Variants in DAPK1 observed in about 807,000 individuals in gnomAD.
The protein encoded by DAPK1 is death-associated protein kinase 1.
In DAPK1, 56 loss-of-function variants were observed where a neutral mutation model predicts 144.9. The observed-to-expected ratio is 0.39, with a 90% confidence interval of 0.31 to 0.48. The LOEUF (loss-of-function observed/expected upper bound fraction) is 0.48. Among genes scored for constraint, DAPK1 ranks in the 20% least tolerant of loss-of-function variants. The pLI is 0.95. For missense variants in DAPK1, 1,454 were observed against 1,875.4 expected, an observed-to-expected ratio of 0.78 and a Z score of 4.15; for synonymous variants, 690 against 749.0, an observed-to-expected ratio of 0.92 and a Z score of 1.29.
chr9:87,525,295 G>A (rs1005386656), intron 2 of DAPK1: 1 of 1,604,954 alleles, frequency 6.2e-7, no homozygotes, highest in Non-Finnish European at 8.5e-7. Flanking sequence ...GCACTCCTGA[G>A]AGCAAGATGG....
chr9:87,611,428 G>A (rs1004500369), intron 3 of DAPK1, among the ~76,000 whole-genome samples: 1 of 152,140 alleles, frequency 6.6e-6, no homozygotes, highest in African/African-American at 2.4e-5. Flanking sequence ...TGGGACTGGG[G>A]TGTAAGCCAC....
intron 2 of DAPK1, among the ~76,000 whole-genome samples, chr9:87,564,706 C>T (rs888552296): frequency 6.6e-6 from 1 of 152,092 alleles, no homozygotes; most frequent in African/African-American, 2.4e-5. Context: ...AACTCATCTT[C>T]TTAATCTGGA....
chr9:87,574,776 G>T (rs1057229327), intron 2 of DAPK1, among the ~76,000 whole-genome samples: 2 of 152,090 alleles, frequency 1.3e-5, no homozygotes, highest in African/African-American at 4.8e-5. Context: ...CAAAAAATTA[G>T]CCGGGCTTGG....
chr9:87,646,419 A>G, intron 12 of DAPK1, 42 bp from the exon 13 acceptor site: 3 of 1,469,552 alleles, frequency 2.0e-6, no homozygotes, highest in Non-Finnish European at 2.9e-6. Context: ...TTCCTTTCCT[A>G]CCAAACCTGA....
intron 3 of DAPK1, among the ~76,000 whole-genome samples, chr9:87,610,929 C>A (rs75009044): frequency 6.6e-6 from 1 of 152,162 alleles, no homozygotes; most frequent in South Asian, 2.1e-4. Context: ...TGTACACAAT[C>A]CAAATTCTAG....
chr9:87,630,797 C>T (rs1319797034), intron 3 of DAPK1, among the ~76,000 whole-genome samples: 3 of 152,232 alleles, frequency 2.0e-5, no homozygotes, highest in Non-Finnish European at 2.9e-5. Flanking sequence ...AGCTTATCTG[C>T]GTGTCATCTC....
intron 12 of DAPK1, 102 bp from the exon 13 acceptor site, chr9:87,646,359 C>T (rs1830265110): frequency 1.2e-6 from 1 of 858,570 alleles, no homozygotes; most frequent in East Asian, 2.5e-5. Context: ...AGCTCTATGT[C>T]TGTTGAGACA....
intron 3 of DAPK1, among the ~76,000 whole-genome samples, chr9:87,625,627 ATCTGCTGC>A (rs1471990935): frequency 6.6e-6 from 1 of 152,224 alleles, no homozygotes; most frequent in Non-Finnish European, 1.5e-5. Flanking sequence ...GTGAGATGCC[ATCTGCTGC>A]TCTGGGCCCA....
At chr9:87,571,726 G>A (rs920066771) in intron 2 of DAPK1, among the ~76,000 whole-genome samples, 2 of 152,150 alleles carry the variant, frequency 1.3e-5, no homozygotes, top group Admixed American at 6.5e-5. Context: ...GTGATCTGCG[G>A]GCAGTGCGTG....
At chr9:87,690,226 G>T (rs901670158) in intron 21 of DAPK1, among the ~76,000 whole-genome samples, 3 of 151,966 alleles carry the variant, frequency 2.0e-5, no homozygotes, top group Admixed American at 6.6e-5. Flanking sequence ...CACCTCTTTG[G>T]TTAAATTTAT....
At chr9:87,529,270 T>C (rs1033716583) in intron 2 of DAPK1, among the ~76,000 whole-genome samples, 1 of 152,212 alleles carries the variant, frequency 6.6e-6, no homozygotes, top group Non-Finnish European at 1.5e-5. Flanking sequence ...GCTCTAAAAC[T>C]TGCCTCAGTC....
chr9:87,582,994 A>G (rs1013255163), intron 2 of DAPK1, among the ~76,000 whole-genome samples: 4 of 152,086 alleles, frequency 2.6e-5, no homozygotes, highest in Non-Finnish European at 5.9e-5. Context: ...TCTTTTGTCA[A>G]GAAGCGGTTG....
intron 2 of DAPK1, among the ~76,000 whole-genome samples, chr9:87,593,929 C>CA (rs1304508166): frequency 6.6e-6 from 1 of 152,178 alleles, no homozygotes; most frequent in African/African-American, 2.4e-5. Flanking sequence ...TGGAGCTGAC[C>CA]AGAACCACTC....
rs764392516 is a variant in DAPK1 at position 87,648,821 on chromosome 9, A to T, written c.1370A>T (p.His457Leu). Reference protein sequence around the residue: ...MALHVAARYGHADVAQLLCSF... With the variant: ...MALHVAARYGLADVAQLLCSF... ...CTCCACGTGGCAGCTCGCTATGGCC[A>T]TGCTGACGTGGCTCAGTTACTGTGC... The change falls in exon 15 of 26, where the codon CAT becomes CTT. Residue 457 changes from histidine to leucine, a missense_variant. Physicochemically the swap from His to Leu is moderately conservative, Grantham distance 99. This residue lies in a region of DAPK1 where 429 missense variants were observed against 637.5 expected (regional missense o/e 0.67). Coordinates refer to ENST00000408954, the MANE Select transcript of DAPK1 (RefSeq NM_004938.4). 1 of 1,614,148 alleles carries T rather than the reference A, an allele frequency of 6.2e-7. No homozygotes were observed. The highest frequency in any genetic ancestry group is 1.3e-5 in the African/African-American group (1 of 74,948).
chr9:87,688,450 T>C (rs1824944512), intron 21 of DAPK1, among the ~76,000 whole-genome samples: 1 of 152,238 alleles, frequency 6.6e-6, no homozygotes, highest in South Asian at 2.1e-4. Context: ...CTTTCGGATA[T>C]ATACCCAGAA....
At chr9:87,533,118 G>T (rs1490560801) in intron 2 of DAPK1, among the ~76,000 whole-genome samples, 1 of 152,204 alleles carries the variant, frequency 6.6e-6, no homozygotes, top group Non-Finnish European at 1.5e-5. Context: ...ATGTGTGCCT[G>T]TGTATGCACA....
chr9:87,606,782 CTCCT>C (rs1167099203), intron 3 of DAPK1, among the ~76,000 whole-genome samples: 1 of 134,442 alleles, frequency 7.4e-6, no homozygotes, highest in African/African-American at 2.8e-5. Flanking sequence ...CCCTCCCTCC[CTCCT>C]TTTTCTCCTT....
At chr9:87,642,867 G>A (rs995458653) in intron 10 of DAPK1, among the ~76,000 whole-genome samples, 3 of 152,198 alleles carry the variant, frequency 2.0e-5, no homozygotes, top group Non-Finnish European at 1.5e-5. Flanking sequence ...GCCTTAGAGA[G>A]TAAATGCAGA....
At chr9:87,582,441 A>C (rs1010973508) in intron 2 of DAPK1, among the ~76,000 whole-genome samples, 1 of 152,168 alleles carries the variant, frequency 6.6e-6, no homozygotes, top group African/African-American at 2.4e-5. Context: ...AAACGTGGTC[A>C]GGAGCAGTTG....
Sources: gnomAD v4.1 joint callset for allele counts (sites outside exome capture counted in the v4.1 genomes callset) on GRCh38, gnomAD v4.1.1 for gene constraint, gnomAD v4.1.1 regional missense constraint, MANE v1.5 for transcripts, NCBI Gene and HGNC (gene_info 2026-07-23, HGNC 2026-07-21) for gene names.